Variants in SAMD3 observed in about 807,000 individuals in gnomAD.
SAMD3 encodes the protein sterile alpha motif domain-containing protein 3.
A neutral mutation model predicts 58.5 loss-of-function variants in SAMD3; 63 were observed. The ratio of observed to expected loss-of-function variants is 1.08; its 90% CI spans 0.88 to 1.33. The LOEUF (loss-of-function observed/expected upper bound fraction) is 1.33, where lower values mean the gene tolerates loss of function less well. SAMD3 is among the 40% of genes most tolerant of loss of function. The pLI is 0.00. For missense variants in SAMD3, 604 were observed against 608.4 expected (o/e 0.99, Z 0.08); for synonymous variants, 220 against 210.3 (o/e 1.05, Z -0.40).
At chr6:130,206,818 G>A (rs1432052955) in intron 5 of SAMD3, among the ~76,000 whole-genome samples, 1 of 152,136 alleles carries the variant, frequency 6.6e-6, no homozygotes, top group Non-Finnish European at 1.5e-5. Context: ...TATGAAGAAT[G>A]TGAGATGCCA....
upstream of SAMD3, chr6:130,365,783 T>C (rs1482275451): frequency 2.0e-6 from 2 of 985,438 alleles, no homozygotes; most frequent in South Asian, 9.4e-5. Flanking sequence ...AAGTGCAACT[T>C]TGTGGCCGGG....
chr6:130,362,058 C>A (rs866345457), intron 1 of SAMD3, among the ~76,000 whole-genome samples: 8 of 152,274 alleles, frequency 5.3e-5, no homozygotes, highest in Middle Eastern at 3.4e-3. Context: ...AACACCACAC[C>A]ACCATCACCA....
intron 2 of SAMD3, 146 bp from the exon 3 acceptor site, chr6:130,215,440 C>G: frequency 1.6e-6 from 2 of 1,257,276 alleles, no homozygotes; most frequent in Non-Finnish European, 2.0e-6. Context: ...TTACAATGTA[C>G]ATTTAAAAAT....
chr6:130,338,656 G>A (rs1777173548), intron 1 of SAMD3, among the ~76,000 whole-genome samples: 1 of 152,180 alleles, frequency 6.6e-6, no homozygotes, highest in South Asian at 2.1e-4. Context: ...TGTAAGACGT[G>A]GAGTCAAGGG....
Position 130,184,642 on chromosome 6 carries a change from C to A in SAMD3, c.384-19G>T, listed in dbSNP as rs765256553. 3 of 1,586,576 alleles carry A rather than the reference C, an allele frequency of 1.9e-6. No homozygotes were observed. Among genetic ancestry groups the A allele is most frequent in the East Asian group, 4.5e-5 (2 of 44,520 alleles). On this transcript the variant is annotated intron_variant, in intron 5 of 11. Coordinates refer to ENST00000439090, the MANE Select transcript of SAMD3 (RefSeq NM_001017373.4). Reference sequence around the variant, plus strand: ...ATTTCTTCTGTGAAATAAAAACACACAAAGAATGAAATTCTATTCCAAATA... The same window carrying A: ...ATTTCTTCTGTGAAATAAAAACACAAAAAGAATGAAATTCTATTCCAAATA...
At chr6:130,208,521 G>A (rs1352562251) in intron 5 of SAMD3, among the ~76,000 whole-genome samples, 2 of 152,128 alleles carry the variant, frequency 1.3e-5, no homozygotes, top group East Asian at 1.9e-4. Flanking sequence ...TCCGCCTCCT[G>A]AGAGATCAGT....
At chr6:130,213,475 A>G (rs1375221375) in intron 4 of SAMD3, among the ~76,000 whole-genome samples, 1 of 152,192 alleles carries the variant, frequency 6.6e-6, no homozygotes, top group Non-Finnish European at 1.5e-5. Context: ...TCAAGGAGAA[A>G]GAGAAATCTC....
At chr6:130,213,977 A>G (rs917608519) in intron 4 of SAMD3, among the ~76,000 whole-genome samples, 3 of 152,168 alleles carry the variant, frequency 2.0e-5, no homozygotes, top group African/African-American at 7.2e-5. Flanking sequence ...GGGAAAAGCA[A>G]AGAAGCAATC....
intron 1 of SAMD3, among the ~76,000 whole-genome samples, chr6:130,364,655 A>C (rs1209374481): frequency 6.6e-6 from 1 of 151,976 alleles, no homozygotes; most frequent in Non-Finnish European, 1.5e-5. Context: ...ATGGTTTATA[A>C]AGGTGACTCA....
intron 1 of SAMD3, among the ~76,000 whole-genome samples, chr6:130,218,381 T>C (rs905321159): frequency 1.3e-5 from 2 of 152,182 alleles, no homozygotes; most frequent in African/African-American, 2.4e-5. Flanking sequence ...CGGGGACCTG[T>C]TTATACTCAG....
In SAMD3 at chr6:130,154,919, C is replaced by T. The variant is rs143661790; in HGVS notation, c.929G>A (p.Ser310Asn). Reference sequence around the variant, plus strand: ...CTTTCTTCTTATTTCCAAAGTTTGGCTCATTCTCTTGTCAATTTCTCTCCA... The same window carrying T: ...CTTTCTTCTTATTTCCAAAGTTTGGTTCATTCTCTTGTCAATTTCTCTCCA... ...KDWREIDKRMSQTLEIRRKMI... is the reference protein window; with the variant it reads ...KDWREIDKRMNQTLEIRRKMI... Residue 310 changes from serine (S) to asparagine (N), a missense_variant, in exon 9 of 12, where the codon AGC becomes AAC. Physicochemically the swap from Ser to Asn is conservative, Grantham distance 46. Coordinates refer to ENST00000439090, the MANE Select transcript of SAMD3 (RefSeq NM_001017373.4). 3 of 1,613,408 alleles carry T rather than the reference C, an allele frequency of 1.9e-6. No homozygotes were observed. The highest frequency in any genetic ancestry group is 2.5e-6 in the Non-Finnish European group (3 of 1,179,754).
intron 2 of SAMD3, among the ~76,000 whole-genome samples, chr6:130,248,608 C>G (rs561325246): frequency 6.4e-4 from 97 of 152,238 alleles, no homozygotes; most frequent in African/African-American, 2.3e-3. Flanking sequence ...CTGTCCATCC[C>G]CTAGGTCCTT....
At chr6:130,336,994 C>A (rs1000421965) in intron 1 of SAMD3, among the ~76,000 whole-genome samples, 10 of 152,198 alleles carry the variant, frequency 6.6e-5, no homozygotes, top group Admixed American at 6.5e-4. Flanking sequence ...GTAAGACCAG[C>A]CTGACACAAA....
At chr6:130,152,912 C>T (rs1582725002) in intron 9 of SAMD3, among the ~76,000 whole-genome samples, 1 of 152,182 alleles carries the variant, frequency 6.6e-6, no homozygotes, top group East Asian at 1.9e-4. Context: ...ACCTTACTGT[C>T]ACCAATGGTT....
At chr6:130,347,953 C>T (rs900856117) in intron 1 of SAMD3, among the ~76,000 whole-genome samples, 3 of 152,136 alleles carry the variant, frequency 2.0e-5, no homozygotes, top group Middle Eastern at 3.2e-3. Context: ...ATTTTCAACC[C>T]AGAATTTCAT....
chr6:130,277,406 T>C (rs1238354872), intron 2 of SAMD3, among the ~76,000 whole-genome samples: 1 of 152,236 alleles, frequency 6.6e-6, no homozygotes, highest in African/African-American at 2.4e-5. Flanking sequence ...GAGTCAGCCA[T>C]GCTAGACTTC....
At chr6:130,198,892 C>T (rs1281540707) in intron 5 of SAMD3, among the ~76,000 whole-genome samples, 1 of 152,202 alleles carries the variant, frequency 6.6e-6, no homozygotes, top group African/African-American at 2.4e-5. Flanking sequence ...GTTCATATCA[C>T]ACTCAGCTGA....
intron 8 of SAMD3, chr6:130,159,992 T>A (rs1790150006): frequency 6.6e-6 from 1 of 152,080 alleles, no homozygotes; most frequent in Admixed American, 6.6e-5. Flanking sequence ...GGGGGTGGGG[T>A]GAGTGGAAAA....
At position 130,163,149 on chromosome 6, in the gene SAMD3, C is replaced by CA. The variant is rs113227558; in HGVS notation, c.823-8125dup. Reference sequence around the variant, plus strand: ...CACTGTATTTCAACTATTTAGTATGCAAAAAAAAAGAATGTAAAATATCTC... The same window carrying CA: ...CACTGTATTTCAACTATTTAGTATGCAAAAAAAAAAGAATGTAAAATATCTC... On this transcript the variant is annotated intron_variant, in intron 8 of 11. Coordinates refer to ENST00000439090, the MANE Select transcript of SAMD3 (RefSeq NM_001017373.4). Among the ~76,000 whole-genome samples the CA allele has an allele frequency of 4.5e-4, 67 of 147,424 alleles. 1 individual carries two copies. Among genetic ancestry groups the CA allele is most frequent in the Middle Eastern group, 3.4e-3 (1 of 294 alleles).
Sources: gnomAD v4.1 joint callset for allele counts (sites outside exome capture counted in the v4.1 genomes callset) on GRCh38, gnomAD v4.1.1 for gene constraint, MANE v1.5 for transcripts, NCBI Gene and HGNC (gene_info 2026-07-23, HGNC 2026-07-21) for gene names.